The following FGF14 variants were observed in gnomAD, a reference collection of about 807,000 sequenced individuals.
FGF14 encodes the protein fibroblast growth factor 14, also known as fibroblast growth factor homologous factor 4.
Under a neutral mutation model 25.5 loss-of-function variants are expected in FGF14, and 5 were observed. That is an observed-to-expected ratio of 0.20 (90% confidence interval 0.10 to 0.41). The LOEUF (loss-of-function observed/expected upper bound fraction) is 0.41, where lower values mean the gene tolerates loss of function less well. Among genes scored for constraint, FGF14 ranks in the 10% least tolerant of loss-of-function variants. The pLI is 1.00. For missense variants in FGF14, 222 were observed against 320.1 expected, an observed-to-expected ratio of 0.69 and a Z score of 2.34; for synonymous variants, 138 against 118.3, an observed-to-expected ratio of 1.17 and a Z score of -1.08.
At chr13:101,994,568 C>A (rs1033045089) in intron 1 of FGF14, among the ~76,000 whole-genome samples, 3 of 151,968 alleles carry the variant, frequency 2.0e-5, no homozygotes, top group Non-Finnish European at 4.4e-5. Context: ...ATCGAGACTA[C>A]CAAATCATCA....
chr13:101,913,118 A>G (rs1006632542), intron 1 of FGF14, among the ~76,000 whole-genome samples: 1 of 152,240 alleles, frequency 6.6e-6, no homozygotes, highest in African/African-American at 2.4e-5. Context: ...AGCTTTTCAA[A>G]ATGAGAATAA....
intron 3 of FGF14, among the ~76,000 whole-genome samples, chr13:101,833,828 G>A (rs1037594922): frequency 5.9e-5 from 9 of 152,066 alleles, no homozygotes; most frequent in African/African-American, 2.2e-4. Flanking sequence ...GTTGTGTCTT[G>A]CTGTTTAATT....
intron 1 of FGF14, among the ~76,000 whole-genome samples, chr13:102,320,637 G>A (rs1411960026): frequency 6.6e-6 from 1 of 152,154 alleles, no homozygotes; most frequent in African/African-American, 2.4e-5. Context: ...AGGCAAGGTA[G>A]CTCCTCCCCT....
intron 1 of FGF14, among the ~76,000 whole-genome samples, chr13:102,053,647 T>A (rs1316771466): frequency 1.3e-5 from 2 of 152,114 alleles, no homozygotes; most frequent in Non-Finnish European, 2.9e-5. Flanking sequence ...AAGTGTTAGA[T>A]ATTTGCTTAC....
intron 1 of FGF14, among the ~76,000 whole-genome samples, chr13:101,943,226 T>G (rs2139330182): frequency 6.6e-6 from 1 of 152,300 alleles, no homozygotes; most frequent in Non-Finnish European, 1.5e-5. Flanking sequence ...CTCTTCCGGG[T>G]TCCATACTGA....
chr13:102,326,693 G>GGGAAGGAAGGTA (rs2056446283), intron 1 of FGF14, among the ~76,000 whole-genome samples: 2 of 29,344 alleles, frequency 6.8e-5, no homozygotes, highest in African/African-American at 2.9e-4. Context: ...GGGAAGGGAA[G>GGGAAGGAAGGTA]GGAAGGAAGG....
intron 1 of FGF14, among the ~76,000 whole-genome samples, chr13:102,221,796 T>C (rs748463482): frequency 1.3e-5 from 2 of 152,326 alleles, no homozygotes; most frequent in East Asian, 3.9e-4. Context: ...AATTATTTTA[T>C]GTCATTGCTT....
At position 101,719,101 on chromosome 13, in the gene FGF14, T is replaced by C. The variant is rs1256546953; in HGVS notation, c.*3730A>G. The C allele has an allele frequency of 6.6e-5, 10 of 152,178 alleles. No individual in the cohort carries two copies. Among genetic ancestry groups the C allele is most frequent in the Admixed American group, 6.6e-4 (10 of 15,266 alleles). 9.4% of individuals were successfully genotyped at this position (152,178 alleles called of 1,614,324 possible). A position where few individuals can be genotyped will look rare whatever the true frequency, so the allele number is the denominator to read the frequency against. On this transcript the variant is annotated 3_prime_UTR_variant, in exon 5 of 5. Coordinates refer to ENST00000376143, the MANE Select transcript of FGF14 (RefSeq NM_004115.4). ...CAACTGGATGTTAGTCAATGTGGTC[T>C]CTTTTTGAATATGTATCAAATATTA...
chr13:101,801,174 C>G (rs1290166718), intron 3 of FGF14, among the ~76,000 whole-genome samples: 2 of 152,084 alleles, frequency 1.3e-5, no homozygotes, highest in African/African-American at 4.8e-5. Context: ...TGATTGAAAC[C>G]TGAACAGAAC....
chr13:101,802,369 C>A (rs371921431), intron 3 of FGF14: 2 of 200,642 alleles, frequency 1.0e-5, no homozygotes, highest in Admixed American at 5.3e-5. Context: ...AAGCACCCCA[C>A]TAAAGTTGCC....
At chr13:102,161,651 A>AG (rs1566765238) in intron 1 of FGF14, among the ~76,000 whole-genome samples, 2 of 13,840 alleles carry the variant, frequency 1.4e-4, no homozygotes, top group Non-Finnish European at 2.7e-4. Flanking sequence ...AAGAAGAAGA[A>AG]GAAGAAGAAG....
At chr13:102,158,300 G>A (rs1223856003) in intron 1 of FGF14, among the ~76,000 whole-genome samples, 1 of 152,202 alleles carries the variant, frequency 6.6e-6, no homozygotes, top group Non-Finnish European at 1.5e-5. Flanking sequence ...ACTGGATTAA[G>A]AAAATGTGGC....
At chr13:102,402,047 G>GTA, upstream of FGF14, 1 of 96,056 alleles carries the variant, frequency 1.0e-5, no homozygotes, top group Non-Finnish European at 2.0e-5. Flanking sequence ...TAGGAGAGAA[G>GTA]GAAAAAAAAA....
At chr13:101,961,880 A>G (rs1325211010) in intron 1 of FGF14, among the ~76,000 whole-genome samples, 2 of 152,086 alleles carry the variant, frequency 1.3e-5, no homozygotes, top group African/African-American at 4.8e-5. Context: ...AGTCTCAAGT[A>G]TTTCTTCATA....
intron 1 of FGF14, among the ~76,000 whole-genome samples, chr13:102,339,248 A>T (rs916956873): frequency 1.3e-5 from 2 of 151,718 alleles, no homozygotes; most frequent in Non-Finnish European, 2.9e-5. Context: ...AAAAAAATGT[A>T]AAAATTAAAA....
At chr13:101,770,366 A>G (rs1374701664) in intron 3 of FGF14, among the ~76,000 whole-genome samples, 3 of 152,162 alleles carry the variant, frequency 2.0e-5, no homozygotes, top group African/African-American at 4.8e-5. Flanking sequence ...AAACACAAAC[A>G]TTTTAACTGA....
At chr13:102,388,197 G>T (rs2058350476) in intron 1 of FGF14, among the ~76,000 whole-genome samples, 1 of 152,162 alleles carries the variant, frequency 6.6e-6, no homozygotes, top group Admixed American at 6.5e-5. Flanking sequence ...ATACTACAAA[G>T]TTGTTCAGTG....
At chr13:102,147,534 T>C (rs771351840) in intron 1 of FGF14, among the ~76,000 whole-genome samples, 26 of 152,182 alleles carry the variant, frequency 1.7e-4, no homozygotes, top group Non-Finnish European at 3.2e-4. Flanking sequence ...GTGTTAAATA[T>C]TGTGACAGTG....
At chr13:101,908,865 A>G (rs1472266684) in intron 1 of FGF14, among the ~76,000 whole-genome samples, 1 of 152,218 alleles carries the variant, frequency 6.6e-6, no homozygotes, top group African/African-American at 2.4e-5. Flanking sequence ...AGTAACCAAA[A>G]CAGCATGGTA....
Sources: gnomAD v4.1 joint callset for allele counts (sites outside exome capture counted in the v4.1 genomes callset) on GRCh38, gnomAD v4.1.1 for gene constraint, MANE v1.5 for transcripts, NCBI Gene and HGNC (gene_info 2026-07-23, HGNC 2026-07-21) for gene names.